Variants in PBX4 observed in about 807,000 individuals in gnomAD.
The protein encoded by PBX4 is PBX homeobox 4.
PBX4 carries 26 observed loss-of-function variants against 35.1 expected under a neutral mutation model. The ratio of observed to expected loss-of-function variants is 0.74; its 90% CI spans 0.54 to 1.03. PBX4 has a LOEUF of 1.03. Ranked by LOEUF, PBX4 falls within the 50% of genes least tolerant of loss-of-function variation. The pLI, the probability that PBX4 is intolerant of heterozygous loss-of-function variation, is 0.00. For missense variants in PBX4, 448 were observed against 504.3 expected (o/e 0.89, Z 1.07); for synonymous variants, 199 against 204.2 (o/e 0.97, Z 0.22).
chr19:19,588,104 G>A, intron 2 of PBX4: 1 of 946,538 alleles, frequency 1.1e-6, no homozygotes, highest in Non-Finnish European at 1.7e-6. Context: ...TCTTCTTGAA[G>A]CCGTATTTTT....
At chr19:19,570,498 C>A in intron 3 of PBX4, 88 bp downstream of exon 3, 1 of 1,558,174 alleles carries the variant, frequency 6.4e-7, no homozygotes, top group Non-Finnish European at 8.7e-7. Flanking sequence ...CTGTTCTGCG[C>A]CACGAAAGAA....
At chr19:19,592,770 C>T (rs775908676) in intron 2 of PBX4, among the ~76,000 whole-genome samples, 7 of 152,184 alleles carry the variant, frequency 4.6e-5, no homozygotes, top group African/African-American at 1.7e-4. Context: ...GAGAACATAG[C>T]GCATCCTAGA....
chr19:19,571,228 C>A (rs2061380730), intron 2 of PBX4, among the ~76,000 whole-genome samples: 1 of 152,140 alleles, frequency 6.6e-6, no homozygotes, highest in African/African-American at 2.4e-5. Flanking sequence ...CTGATAAAGG[C>A]AAGTGGCAGG....
At chr19:19,576,095 T>G in intron 2 of PBX4, among the ~76,000 whole-genome samples, 1 of 102,060 alleles carries the variant, frequency 9.8e-6, no homozygotes, top group South Asian at 3.0e-4. Context: ...ATTCATTCAT[T>G]TATGTATTTA....
At chr19:19,577,911 C>G (rs923472427) in intron 2 of PBX4, among the ~76,000 whole-genome samples, 1 of 149,322 alleles carries the variant, frequency 6.7e-6, no homozygotes, top group Non-Finnish European at 1.5e-5. Flanking sequence ...GGCAAGGTGG[C>G]TCATGCCTAT....
chr19:19,595,605 C>T (rs2061556107), intron 2 of PBX4, among the ~76,000 whole-genome samples: 1 of 152,066 alleles, frequency 6.6e-6, no homozygotes, highest in Non-Finnish European at 1.5e-5. Context: ...TTTACATACC[C>T]ATGAGAGGCA....
At chr19:19,603,951 CAA>C (rs575405663) in intron 1 of PBX4, among the ~76,000 whole-genome samples, 14 of 95,608 alleles carry the variant, frequency 1.5e-4, no homozygotes, top group Admixed American at 3.4e-4. Context: ...GACTCCATCT[CAA>C]AAAAAAAAAA....
rs944779573 is a variant in PBX4 at position 19,563,768 on chromosome 19, C to T, written c.926-153G>A. On this transcript the variant is annotated intron_variant, in intron 6 of 7. Coordinates refer to ENST00000251203, the MANE Select transcript of PBX4 (RefSeq NM_025245.3). The surrounding 1 kb of genome is among the most constrained non-coding windows in gnomAD (Gnocchi z 5.1). ...CTCAGCCCCCACCCAGGCAGGCCAG[C>T]GGGCCCTCCCCACCACACTACTCAT... 2.1e-5 allele frequency: 14 copies of T among 673,958 alleles called. No individual in the cohort carries two copies. The highest frequency in any genetic ancestry group is 4.7e-5 in the South Asian group (3 of 63,784). The allele number at this position is 673,958 out of a possible 1,614,324, so 41.7% of individuals were successfully genotyped here.
chr19:19,564,907 A>C (rs903709425), intron 6 of PBX4, 26 bp downstream of exon 6: 3 of 1,613,972 alleles, frequency 1.9e-6, no homozygotes, highest in Non-Finnish European at 2.5e-6. Flanking sequence ...GGTACAGATG[A>C]CTGTCCCTGG....
chr19:19,569,606 T>C (rs775964337), intron 4 of PBX4, 22 bp from the exon 5 acceptor site: 9 of 1,611,166 alleles, frequency 5.6e-6, no homozygotes, highest in South Asian at 2.2e-5. Flanking sequence ...GCCGCCTTCG[T>C]AGGCATTAAT....
intron 2 of PBX4, among the ~76,000 whole-genome samples, chr19:19,579,205 C>A (rs1386280493): frequency 1.3e-5 from 2 of 151,950 alleles, no homozygotes; most frequent in Non-Finnish European, 2.9e-5. Context: ...AAAAATTAGC[C>A]GGGCATGGTG....
At position 19,590,579 on chromosome 19, in the gene PBX4, G is replaced by A. The variant is rs1039596213; in HGVS notation, c.193+8713C>T. 4.6e-5 allele frequency among the ~76,000 whole-genome samples: 7 copies of A among 150,862 alleles called. No individual in the cohort carries two copies. In the South Asian group the frequency reaches 1.0e-3, roughly 22 times the overall value. ...CGCCTCCCAGGTGCAAGTGATTCTC[G>A]CGCCTCAGCCTCCCGATTAGCTGGG... On this transcript the variant is annotated intron_variant, in intron 2 of 7. Transcript: ENST00000251203.
intron 2 of PBX4, among the ~76,000 whole-genome samples, chr19:19,572,562 T>A (rs763353564): frequency 6.7e-6 from 1 of 149,982 alleles, no homozygotes; most frequent in Non-Finnish European, 1.5e-5. Context: ...GTAAGAATTT[T>A]CCTTAGAGAT....
intron 1 of PBX4, among the ~76,000 whole-genome samples, chr19:19,604,340 TG>T (rs2061615867): frequency 6.6e-6 from 1 of 151,634 alleles, no homozygotes; most frequent in African/African-American, 2.4e-5. Flanking sequence ...GGCATGGTGG[TG>T]TACACCTGTA....
At chr19:19,594,183 A>G (rs1599368020) in intron 2 of PBX4, among the ~76,000 whole-genome samples, 1 of 151,748 alleles carries the variant, frequency 6.6e-6, no homozygotes, top group Admixed American at 6.6e-5. Flanking sequence ...AGGCGGGCGG[A>G]TCACCTGAGG....
At chr19:19,585,971 C>T (rs2061486594) in intron 2 of PBX4, among the ~76,000 whole-genome samples, 6 of 152,074 alleles carry the variant, frequency 3.9e-5, no homozygotes, top group Non-Finnish European at 8.8e-5. Context: ...CACACGGACG[C>T]GTGAGAAATG....
At chr19:19,616,647 AG>A (rs2061690584) in intron 1 of PBX4, among the ~76,000 whole-genome samples, 1 of 151,708 alleles carries the variant, frequency 6.6e-6, no homozygotes, top group African/African-American at 2.4e-5. Flanking sequence ...TGAGATTCGT[AG>A]GCCCCATGTA....
intron 1 of PBX4, among the ~76,000 whole-genome samples, chr19:19,614,097 T>C (rs2061676531): frequency 6.6e-6 from 1 of 152,170 alleles, no homozygotes; most frequent in Non-Finnish European, 1.5e-5. Context: ...GAGGCCAAGA[T>C]GGGTGAATCA....
At chr19:19,611,678 C>CAAAAAAAAA in intron 1 of PBX4, among the ~76,000 whole-genome samples, 1 of 53,654 alleles carries the variant, frequency 1.9e-5, no homozygotes, top group Non-Finnish European at 3.8e-5. Flanking sequence ...GATTCTGTCT[C>CAAAAAAAAA]AAAAAAAAAA....
Sources: gnomAD v4.1 joint callset for allele counts (sites outside exome capture counted in the v4.1 genomes callset) on GRCh38, gnomAD v4.1.1 for gene constraint, Gnocchi (gnomAD v3.1) non-coding constraint, MANE v1.5 for transcripts, NCBI Gene and HGNC (gene_info 2026-07-23, HGNC 2026-07-21) for gene names.